Variants in SEPTIN9 observed in about 807,000 individuals in gnomAD.
SEPTIN9 encodes septin-9.
A neutral mutation model predicts 56.6 loss-of-function variants in SEPTIN9; 13 were observed. The ratio of observed to expected loss-of-function variants is 0.23; its 90% CI spans 0.15 to 0.37. The LOEUF (loss-of-function observed/expected upper bound fraction) is 0.37. Among genes scored for constraint, SEPTIN9 ranks in the 10% least tolerant of loss-of-function variants. The pLI is 1.00. For missense variants in SEPTIN9, 650 were observed against 823.1 expected (o/e 0.79, Z 2.57); for synonymous variants, 332 against 334.1 (o/e 0.99, Z 0.07).
intron 2 of SEPTIN9, among the ~76,000 whole-genome samples, chr17:77,324,966 C>A (rs2033077602): frequency 6.6e-6 from 1 of 151,712 alleles, no homozygotes; most frequent in Non-Finnish European, 1.5e-5. Context: ...TTACAGGCAC[C>A]CGCCACCACA....
intron 2 of SEPTIN9, among the ~76,000 whole-genome samples, chr17:77,368,246 A>G (rs759896744): frequency 5.9e-5 from 9 of 152,158 alleles, no homozygotes; most frequent in Non-Finnish European, 5.9e-5. Context: ...TGGGTGTACA[A>G]TGTGAATGTA....
chr17:77,401,500 CT>C (rs1230667844), intron 2 of SEPTIN9, among the ~76,000 whole-genome samples: 1 of 152,222 alleles, frequency 6.6e-6, no homozygotes, highest in Non-Finnish European at 1.5e-5. Flanking sequence ...AATCCCAGCA[CT>C]TTGGGAGGCC....
At position 77,500,353 on chromosome 17, in the gene SEPTIN9, C is replaced by G; in HGVS notation, c.*1695C>G. 1 of 216,194 alleles carries G rather than the reference C, an allele frequency of 4.6e-6. No individual in the cohort carries two copies. The highest frequency in any genetic ancestry group is 9.3e-6 in the Non-Finnish European group (1 of 107,050). The allele number at this position is 216,194 out of a possible 1,614,324, so 13.4% of individuals were successfully genotyped here. A position where few individuals can be genotyped will look rare whatever the true frequency, so the allele number is the denominator to read the frequency against. On this transcript the variant is annotated 3_prime_UTR_variant, in exon 12 of 12. Coordinates refer to ENST00000427177, the MANE Select transcript of SEPTIN9 (RefSeq NM_001113491.2). ...CAGCGCCAGGGCCCAGGCCATGTGG[C>G]CTGCCCAGCCTCAATGTCACTTGGT...
In SEPTIN9 at chr17:77,498,959, G is replaced by A. The variant is rs972707481; in HGVS notation, c.*301G>A. On this transcript the variant is annotated 3_prime_UTR_variant, in exon 12 of 12. Coordinates refer to ENST00000427177, the MANE Select transcript of SEPTIN9 (RefSeq NM_001113491.2). Reference sequence around the variant, plus strand: ...GGCTCCCCGAGGGCTCAGAAGAGCAGCTTCGGTGTGCAGATCATCCGTCTG... The same window carrying A: ...GGCTCCCCGAGGGCTCAGAAGAGCAACTTCGGTGTGCAGATCATCCGTCTG... The A allele has an allele frequency of 1.6e-5, 9 of 550,834 alleles. No homozygotes were observed. The highest frequency in any genetic ancestry group is 1.1e-4 in the African/African-American group (6 of 54,444). The allele number at this position is 550,834 out of a possible 1,614,324, so 34.1% of individuals were successfully genotyped here.
At chr17:77,362,113 C>T (rs539782302) in intron 2 of SEPTIN9, among the ~76,000 whole-genome samples, 143 of 152,370 alleles carry the variant, frequency 9.4e-4, no homozygotes, top group African/African-American at 2.6e-3. Flanking sequence ...TCCTTGAAAT[C>T]GATGCCCCGT....
chr17:77,423,851 A>C (rs1259690571), intron 3 of SEPTIN9, among the ~76,000 whole-genome samples: 1 of 152,140 alleles, frequency 6.6e-6, no homozygotes, highest in Admixed American at 6.5e-5. Context: ...AGGGGAGGAA[A>C]GATCTGGAAA....
At chr17:77,465,215 C>A (rs1402665133) in intron 3 of SEPTIN9, among the ~76,000 whole-genome samples, 2 of 152,178 alleles carry the variant, frequency 1.3e-5, no homozygotes, top group Non-Finnish European at 2.9e-5. Flanking sequence ...CGTGGATAGA[C>A]CACACTGTGT....
At position 77,421,339 on chromosome 17, in the gene SEPTIN9, C is replaced by G. The variant is rs548853000; in HGVS notation, c.721+18636C>G. ...AGATTGGAACCGCATTTCTCTCCCC[C>G]CAGTCACAGCTGCCAGGAGCTCATC... On this transcript the variant is annotated intron_variant, in intron 3 of 11. Transcript: ENST00000427177. This position sits in a 1 kb window ranked among gnomAD's most constrained non-coding sequence, Gnocchi z 4.6. Among the ~76,000 whole-genome samples, 191 of 152,334 alleles carry G rather than the reference C, an allele frequency of 1.3e-3. 1 individual carries two copies. The highest frequency in any genetic ancestry group is 4.4e-3 in the African/African-American group (181 of 41,570).
At chr17:77,306,617 C>T (rs1195931678) in intron 1 of SEPTIN9, among the ~76,000 whole-genome samples, 1 of 152,262 alleles carries the variant, frequency 6.6e-6, no homozygotes, top group Admixed American at 6.5e-5. Flanking sequence ...ATCCCCAAAT[C>T]CAGCCCGGCT....
Position 77,498,982 on chromosome 17 carries a change from C to G in SEPTIN9, c.*324C>G, listed in dbSNP as rs1432702979. On this transcript the variant is annotated 3_prime_UTR_variant, in exon 12 of 12. Transcript: ENST00000427177. ...CAGCTTCGGTGTGCAGATCATCCGT[C>G]TGTGTGGGGTTCTCAGTGCCGGAGG... 3.7e-6 allele frequency: 2 copies of G among 544,776 alleles called. No homozygotes were observed. The highest frequency in any genetic ancestry group is 7.1e-6 in the Non-Finnish European group (2 of 282,590). 33.7% of individuals were successfully genotyped at this position (544,776 alleles called of 1,614,324 possible). A position where few individuals can be genotyped will look rare whatever the true frequency, so the allele number is the denominator to read the frequency against.
intron 3 of SEPTIN9, among the ~76,000 whole-genome samples, chr17:77,422,239 G>A (rs1463958680): frequency 6.6e-6 from 1 of 152,154 alleles, no homozygotes. Context: ...ACAGCTCTGG[G>A]CTCTGTCCTG....
At chr17:77,292,989 C>T (rs4788984) in intron 1 of SEPTIN9, among the ~76,000 whole-genome samples, 40,150 of 116,322 alleles carry the variant, frequency 0.35, 6,190 homozygotes, top group East Asian at 0.62. Flanking sequence ...ACCGCTTGAG[C>T]ATTTATTTAT....
intron 10 of SEPTIN9, 96 bp from the exon 11 acceptor site, chr17:77,497,219 T>G (rs1222633848): frequency 7.6e-7 from 1 of 1,307,252 alleles, no homozygotes; most frequent in African/African-American, 1.5e-5. Flanking sequence ...CAGACTCTGC[T>G]TTTGGCACCA....
rs372716290 is a variant in SEPTIN9 at position 77,367,633 on chromosome 17, C to T, written c.77-34426C>T. Among the ~76,000 whole-genome samples the T allele has an allele frequency of 9.6e-4, 146 of 151,936 alleles. 1 individual carries two copies. The highest frequency in any genetic ancestry group is 1.7e-3 in the Non-Finnish European group (116 of 67,974). On this transcript the variant is annotated intron_variant, in intron 2 of 11. Coordinates refer to ENST00000427177, the MANE Select transcript of SEPTIN9 (RefSeq NM_001113491.2). This position sits in a 1 kb window ranked among gnomAD's most constrained non-coding sequence, Gnocchi z 4.5. ...GAGTTCGAGACTACCCTGGCCAACACGGTGAAACCCCATCTCTACTAAAAA... is the reference window on the plus strand; with the variant it reads ...GAGTTCGAGACTACCCTGGCCAACATGGTGAAACCCCATCTCTACTAAAAA...
rs1484297366 is a variant in SEPTIN9, at chr17:77,317,812, G to A, written c.76+10615G>A. Among the ~76,000 whole-genome samples the A allele has an allele frequency of 1.3e-5, 2 of 152,132 alleles. No homozygotes were observed. Among genetic ancestry groups the A allele is most frequent in the African/African-American group, 2.4e-5 (1 of 41,420 alleles). ...TTATGCCTGTAATCCCAGCACTTTGGGAGGCCAAGGCTGGCGGATCACGAG... is the reference window on the plus strand; with the variant it reads ...TTATGCCTGTAATCCCAGCACTTTGAGAGGCCAAGGCTGGCGGATCACGAG... On this transcript the variant is annotated intron_variant, in intron 2 of 11. Transcript: ENST00000427177. This position sits in a 1 kb window ranked among gnomAD's most constrained non-coding sequence, Gnocchi z 4.2.
chr17:77,497,711 C>T (rs903079494), intron 11 of SEPTIN9: 1 of 420,098 alleles, frequency 2.4e-6, no homozygotes. Context: ...GGGGCGTCTC[C>T]AGCTCCGATC....
At chr17:77,314,341 CTTTTTTTTTTTT>C (rs33986509) in intron 2 of SEPTIN9, among the ~76,000 whole-genome samples, 1 of 67,956 alleles carries the variant, frequency 1.5e-5, no homozygotes, top group Non-Finnish European at 2.7e-5. Flanking sequence ...TGTGCCTGGA[CTTTTTTTTTTTT>C]TTTTTTTTTT....
At chr17:77,407,191 G>T (rs955025952) in intron 3 of SEPTIN9, among the ~76,000 whole-genome samples, 5 of 149,930 alleles carry the variant, frequency 3.3e-5, no homozygotes, top group Non-Finnish European at 7.4e-5. Context: ...GTTGAGGTGG[G>T]AGGACCACCT....
intron 2 of SEPTIN9, chr17:77,373,179 G>C: frequency 9.3e-7 from 1 of 1,069,636 alleles, no homozygotes; most frequent in Non-Finnish European, 1.1e-6. Flanking sequence ...GCGGCCACTC[G>C]GGCCCCAGCC....
Sources: gnomAD v4.1 joint callset for allele counts (sites outside exome capture counted in the v4.1 genomes callset) on GRCh38, gnomAD v4.1.1 for gene constraint, Gnocchi (gnomAD v3.1) non-coding constraint, MANE v1.5 for transcripts, NCBI Gene and HGNC (gene_info 2026-07-23, HGNC 2026-07-21) for gene names.